CLSTN2: variants seen among roughly 807,000 people sequenced by gnomAD.
CLSTN2 encodes calsyntenin 2.
A neutral mutation model predicts 101.2 loss-of-function variants in CLSTN2; 48 were observed. That is an observed-to-expected ratio of 0.47 (90% CI 0.38 to 0.60). The LOEUF is 0.60. CLSTN2 is among the 20% of genes least tolerant of loss of function. The pLI, the probability that CLSTN2 is intolerant of heterozygous loss-of-function variation, is 0.00. For missense variants in CLSTN2, 1,160 were observed against 1,238.2 expected, an observed-to-expected ratio of 0.94 and a Z score of 0.95; for synonymous variants, 481 against 463.6, an observed-to-expected ratio of 1.04 and a Z score of -0.48.
At chr3:140,382,643 AC>A (rs1228749550) in intron 2 of CLSTN2, among the ~76,000 whole-genome samples, 1 of 152,166 alleles carries the variant, frequency 6.6e-6, no homozygotes, top group Non-Finnish European at 1.5e-5. Flanking sequence ...ATAATAAAAC[AC>A]CACACACTGG....
chr3:140,265,446 C>A (rs902798249), intron 2 of CLSTN2, among the ~76,000 whole-genome samples: 1 of 152,156 alleles, frequency 6.6e-6, no homozygotes, highest in Non-Finnish European at 1.5e-5. Context: ...ACTACCCAGA[C>A]CCCCTGGAAT....
Position 140,566,628 on chromosome 3 carries a change from C to A in CLSTN2, c.*375C>A, listed in dbSNP as rs1985250170. 7.1e-6 allele frequency: 2 copies of A among 282,308 alleles called. No homozygotes were observed. The highest frequency in any genetic ancestry group is 6.9e-6 in the Non-Finnish European group (1 of 143,958). 17.5% of individuals were successfully genotyped at this position (282,308 alleles called of 1,614,324 possible). ...TCAGAGTCCCCAAGGCCCTGGGGTT[C>A]CAACTCACTGTGCGTCTCCTCCACA... On this transcript the variant is annotated 3_prime_UTR_variant, in exon 17 of 17. Coordinates refer to ENST00000458420, the MANE Select transcript of CLSTN2 (RefSeq NM_022131.3).
Position 140,490,127 on chromosome 3 carries a change from C to T in CLSTN2, c.1344+23396C>T, listed in dbSNP as rs1156293823. On this transcript the variant is annotated intron_variant, in intron 8 of 16. Coordinates refer to ENST00000458420, the MANE Select transcript of CLSTN2 (RefSeq NM_022131.3). ...ATATATATATATATATACACACACA[C>T]ACACACACACACACACACACACACA... Among the ~76,000 whole-genome samples, 73 of 19,598 alleles carry T rather than the reference C, an allele frequency of 3.7e-3. 18 individuals carry two copies. Among genetic ancestry groups the T allele is most frequent in the Admixed American group, 6.1e-3 (8 of 1,322 alleles). 12.9% of individuals were successfully genotyped at this position (19,598 alleles called of 152,430 possible). A position where few individuals can be genotyped will look rare whatever the true frequency, so the allele number is the denominator to read the frequency against.
chr3:140,404,222 C>T (rs2088278244), intron 3 of CLSTN2, among the ~76,000 whole-genome samples: 1 of 152,194 alleles, frequency 6.6e-6, no homozygotes, highest in Non-Finnish European at 1.5e-5. Context: ...ATGTTTATCT[C>T]AGAGCCTAAC....
At chr3:140,324,797 C>T (rs988326801) in intron 2 of CLSTN2, among the ~76,000 whole-genome samples, 3 of 152,080 alleles carry the variant, frequency 2.0e-5, no homozygotes, top group Non-Finnish European at 4.4e-5. Context: ...GCATTTTTAC[C>T]AGATTTGTTG....
chr3:140,451,653 A>G (rs1368230261), intron 6 of CLSTN2, among the ~76,000 whole-genome samples: 1 of 152,202 alleles, frequency 6.6e-6, no homozygotes, highest in East Asian at 1.9e-4. Flanking sequence ...GCTTCCATGT[A>G]GGGACTCAGG....
chr3:140,423,239 C>T (rs1325647632), intron 5 of CLSTN2, among the ~76,000 whole-genome samples: 3 of 152,168 alleles, frequency 2.0e-5, no homozygotes, highest in Non-Finnish European at 2.9e-5. Flanking sequence ...TTTAACTCTA[C>T]GAGTGAAGAA....
intron 1 of CLSTN2, among the ~76,000 whole-genome samples, chr3:140,078,121 A>G (rs908100088): frequency 1.3e-5 from 2 of 152,106 alleles, no homozygotes; most frequent in African/African-American, 4.8e-5. Flanking sequence ...AGCCCACTTG[A>G]GCTTTATCCT....
At chr3:140,371,538 C>T (rs2087857387) in intron 2 of CLSTN2, among the ~76,000 whole-genome samples, 1 of 152,170 alleles carries the variant, frequency 6.6e-6, no homozygotes, top group African/African-American at 2.4e-5. Context: ...GCCCTGCCCT[C>T]CAGTTGGCCA....
chr3:140,338,264 A>G (rs761891958), intron 2 of CLSTN2, among the ~76,000 whole-genome samples: 2 of 151,970 alleles, frequency 1.3e-5, no homozygotes. Context: ...CTCCATCTGC[A>G]TCCACTCCAC....
intron 9 of CLSTN2, among the ~76,000 whole-genome samples, chr3:140,537,655 A>G (rs1246324176): frequency 6.6e-6 from 1 of 152,194 alleles, no homozygotes; most frequent in Non-Finnish European, 1.5e-5. Flanking sequence ...GGCTTTAGAC[A>G]AATACCAGGT....
chr3:140,141,313 C>T (rs1262218249), intron 1 of CLSTN2, among the ~76,000 whole-genome samples: 1 of 152,196 alleles, frequency 6.6e-6, no homozygotes, highest in African/African-American at 2.4e-5. Flanking sequence ...TGGCCTGGTA[C>T]AGTCCTGTTC....
chr3:140,308,582 T>G (rs554593693), intron 2 of CLSTN2, among the ~76,000 whole-genome samples: 1 of 152,332 alleles, frequency 6.6e-6, no homozygotes, highest in African/African-American at 2.4e-5. Flanking sequence ...TCTGAAGCAT[T>G]GTGTGAGGCA....
chr3:140,425,871 C>A (rs2088561039), intron 5 of CLSTN2, among the ~76,000 whole-genome samples: 1 of 152,196 alleles, frequency 6.6e-6, no homozygotes, highest in Non-Finnish European at 1.5e-5. Flanking sequence ...CTCCCATTCT[C>A]AGTTGGCCAG....
At chr3:139,947,410 A>C (rs1277176330) in intron 1 of CLSTN2, among the ~76,000 whole-genome samples, 2 of 152,236 alleles carry the variant, frequency 1.3e-5, no homozygotes, top group Non-Finnish European at 2.9e-5. Flanking sequence ...AGTGCCTCAC[A>C]GGGATTAATA....
intron 5 of CLSTN2, among the ~76,000 whole-genome samples, chr3:140,437,192 T>C (rs193264841): frequency 7.1e-4 from 108 of 151,566 alleles, no homozygotes; most frequent in Middle Eastern, 3.4e-3. Flanking sequence ...GGGACTAGAG[T>C]TGCCCACCAC....
Position 140,459,782 on chromosome 3 carries a change from C to T in CLSTN2, c.1222+13C>T. Reference sequence around the variant, plus strand: ...TCAGACAAAACCGGTGAGTCTCTAGCCCAGCCCTTCCACCCCTCCTACCCC... The same window carrying T: ...TCAGACAAAACCGGTGAGTCTCTAGTCCAGCCCTTCCACCCCTCCTACCCC... On this transcript the variant is annotated intron_variant, in intron 7 of 16. Coordinates refer to ENST00000458420, the MANE Select transcript of CLSTN2 (RefSeq NM_022131.3). 1.3e-6 allele frequency: 2 copies of T among 1,582,042 alleles called. No individual in the cohort carries two copies. Among genetic ancestry groups the T allele is most frequent in the South Asian group, 2.2e-5 (2 of 89,922 alleles).
intron 2 of CLSTN2, among the ~76,000 whole-genome samples, chr3:140,329,315 C>G (rs1480594231): frequency 1.3e-5 from 2 of 152,204 alleles, no homozygotes; most frequent in African/African-American, 4.8e-5. Context: ...ATTGCCTGAA[C>G]CTGGAGGTTG....
chr3:140,483,304 GAGAC>G (rs1464132337), intron 8 of CLSTN2, among the ~76,000 whole-genome samples: 3 of 152,190 alleles, frequency 2.0e-5, no homozygotes, highest in African/African-American at 7.2e-5. Flanking sequence ...TGTGGTCTGA[GAGAC>G]AGTTTGTTAT....
Sources: gnomAD v4.1 joint callset for allele counts (sites outside exome capture counted in the v4.1 genomes callset) on GRCh38, gnomAD v4.1.1 for gene constraint, MANE v1.5 for transcripts, NCBI Gene and HGNC (gene_info 2026-07-23, HGNC 2026-07-21) for gene names.